Variants in SLC5A3 observed in about 807,000 individuals in gnomAD.
The protein encoded by SLC5A3 is sodium/myo-inositol cotransporter.
Under a neutral mutation model 43.2 loss-of-function variants are expected in SLC5A3, and 10 were observed. The ratio of observed to expected loss-of-function variants is 0.23; its 90% CI spans 0.14 to 0.39. The LOEUF is 0.39. SLC5A3 is among the 10% of genes least tolerant of loss of function. The pLI is 1.00. For synonymous variants in SLC5A3, 349 were observed against 322.0 expected (o/e 1.08, Z -0.90); for missense variants, 608 against 893.4 (o/e 0.68, Z 4.07).
At chr21:34,093,957 C>T (rs760727584) in intron 1 of SLC5A3, among the ~76,000 whole-genome samples, 11 of 152,066 alleles carry the variant, frequency 7.2e-5, no homozygotes, top group Non-Finnish European at 1.5e-4. Flanking sequence ...AAACTTTTCT[C>T]CTCCTCCCTC....
At chr21:34,091,193 A>G (rs2148657578) in intron 1 of SLC5A3, among the ~76,000 whole-genome samples, 1 of 152,272 alleles carries the variant, frequency 6.6e-6, no homozygotes, top group East Asian at 1.9e-4. Context: ...TGGTTTGTAA[A>G]TTGACTCCAA....
chr21:34,085,935 T>A (rs1201263921), intron 1 of SLC5A3, among the ~76,000 whole-genome samples: 1 of 152,144 alleles, frequency 6.6e-6, no homozygotes, highest in African/African-American at 2.4e-5. Context: ...CGTAGTGCCT[T>A]TACACCTAAC....
chr21:34,097,736 T>C lies in SLC5A3; in HGVS notation c.*381T>C, dbSNP rs1018746966. 3.0e-6 allele frequency: 3 copies of C among 1,006,424 alleles called. No homozygotes were observed. In the African/African-American group the frequency reaches 5.2e-5, roughly 18 times the overall value. The allele number at this position is 1,006,424 out of a possible 1,614,324, so 62.3% of individuals were successfully genotyped here. A position where few individuals can be genotyped will look rare whatever the true frequency, so the allele number is the denominator to read the frequency against. On this transcript the variant is annotated 3_prime_UTR_variant, in exon 2 of 2. Transcript: ENST00000381151. ...ACCCTGAAGTAGAAGATTTGCTCAT[T>C]TCTAAATTTTTTTTTCTGTCTCTGT... is the stretch of plus-strand genomic sequence containing the variant.
Position 34,095,544 on chromosome 21 carries a change from C to A in SLC5A3, c.346C>A (p.Arg116=), listed in dbSNP as rs1397085109. 1.2e-6 allele frequency: 2 copies of A among 1,613,648 alleles called. No homozygotes were observed. Among genetic ancestry groups the A allele is most frequent in the South Asian group, 2.2e-5 (2 of 91,072 alleles). The change falls in exon 2 of 2, where the codon CGA becomes AGA. Residue 116 remains arginine (R), a synonymous_variant. Coordinates refer to ENST00000381151, the MANE Select transcript of SLC5A3 (RefSeq NM_006933.7). ...TACCATGCCTGAATACTTGTCCAAGCGATTTGGTGGCCATAGGATTCAGGT... is the reference window on the plus strand; with the variant it reads ...TACCATGCCTGAATACTTGTCCAAGAGATTTGGTGGCCATAGGATTCAGGT... The part of the protein sequence containing the change: ...VYTMPEYLSK[R]FGGHRIQVYF...
chr21:34,103,201 G>A lies in SLC5A3; in HGVS notation c.*5846G>A, dbSNP rs1011712339. Reference sequence around the variant, plus strand: ...CCAGCTTTTGAAATTTATGTGTTTGGATTAGTGCCTTCTGGTTACCAGTAT... The same window carrying A: ...CCAGCTTTTGAAATTTATGTGTTTGAATTAGTGCCTTCTGGTTACCAGTAT... On this transcript the variant is annotated 3_prime_UTR_variant, in exon 2 of 2. Transcript: ENST00000381151. The A allele has an allele frequency of 3.0e-6, 3 of 999,722 alleles. No homozygotes were observed. Among genetic ancestry groups the A allele is most frequent in the African/African-American group, 1.8e-5 (1 of 57,140 alleles). The allele number at this position is 999,722 out of a possible 1,614,324, so 61.9% of individuals were successfully genotyped here. A position where few individuals can be genotyped will look rare whatever the true frequency, so the allele number is the denominator to read the frequency against.
In SLC5A3 at chr21:34,096,078, C is replaced by T; in HGVS notation, c.880C>T (p.His294Tyr). The T allele has an allele frequency of 6.2e-7, 1 of 1,614,126 alleles. No homozygotes were observed. The highest frequency in any genetic ancestry group is 8.5e-7 in the Non-Finnish European group (1 of 1,180,002). Residue 294 changes from histidine (H) to tyrosine (Y), a missense_variant, in exon 2 of 2, where the codon CAT becomes TAT. Physicochemically the swap from His to Tyr is moderately conservative, Grantham distance 83 (BLOSUM62 2). Transcript: ENST00000381151. The surrounding 1 kb of genome is among the most constrained non-coding windows in gnomAD (Gnocchi z 5.9). ...QRVLAAKNIA[H>Y]AKGSTLMAGF... is the part of the protein sequence containing the mutation. ...GGTCCTTGCAGCCAAAAACATTGCT[C>T]ATGCCAAAGGCTCTACTCTTATGGC...
intron 1 of SLC5A3, among the ~76,000 whole-genome samples, chr21:34,090,983 T>G (rs1978655086): frequency 6.6e-6 from 1 of 151,538 alleles, no homozygotes; most frequent in Non-Finnish European, 1.5e-5. Context: ...ATGCCCATGT[T>G]TTTTGTTTTT....
At chr21:34,089,367 T>TA (rs1978564142) in intron 1 of SLC5A3, among the ~76,000 whole-genome samples, 1 of 151,738 alleles carries the variant, frequency 6.6e-6, no homozygotes, top group Non-Finnish European at 1.5e-5. Flanking sequence ...TGTTGGGAGT[T>TA]TGCTCCTATA....
intron 1 of SLC5A3, among the ~76,000 whole-genome samples, chr21:34,088,440 C>T (rs566408172): frequency 1.7e-4 from 26 of 152,340 alleles, no homozygotes; most frequent in African/African-American, 5.8e-4. Context: ...TATCCATACA[C>T]ATCCATTCAC....
intron 1 of SLC5A3, among the ~76,000 whole-genome samples, chr21:34,079,502 C>A (rs1473759187): frequency 6.6e-6 from 1 of 151,368 alleles, no homozygotes; most frequent in African/African-American, 2.4e-5. Flanking sequence ...GTGGCACGAT[C>A]TCGGCTCACT....
At chr21:34,090,164 C>G (rs961679373) in intron 1 of SLC5A3, among the ~76,000 whole-genome samples, 1 of 152,206 alleles carries the variant, frequency 6.6e-6, no homozygotes, top group Non-Finnish European at 1.5e-5. Flanking sequence ...GCTCCACTTA[C>G]AATTTAAAAC....
intron 1 of SLC5A3, among the ~76,000 whole-genome samples, chr21:34,085,418 A>G (rs1026836864): frequency 5.9e-5 from 9 of 152,266 alleles, no homozygotes; most frequent in Admixed American, 2.6e-4. Flanking sequence ...AATGTACCCT[A>G]TTTCCCTTTT....
chr21:34,073,853 T>C (rs1047912563), intron 1 of SLC5A3, 108 bp downstream of exon 1: 23 of 590,916 alleles, frequency 3.9e-5, no homozygotes, highest in Non-Finnish European at 5.2e-5. Context: ...CTTCCTGCAC[T>C]CCTCGGAGGA....
chr21:34,083,165 C>T (rs1989497610), intron 1 of SLC5A3, among the ~76,000 whole-genome samples: 2 of 152,138 alleles, frequency 1.3e-5, no homozygotes, highest in Non-Finnish European at 2.9e-5. Context: ...AAACCAAGTG[C>T]AGTTATGGTA....
chr21:34,077,803 A>G (rs981564022), intron 1 of SLC5A3, among the ~76,000 whole-genome samples: 63 of 152,222 alleles, frequency 4.1e-4, no homozygotes, highest in African/African-American at 1.5e-3. Flanking sequence ...AAGTATAATC[A>G]GTTCCTAAAA....
At chr21:34,085,984 C>G (rs1174568461) in intron 1 of SLC5A3, among the ~76,000 whole-genome samples, 6 of 152,194 alleles carry the variant, frequency 3.9e-5, no homozygotes, top group Admixed American at 3.9e-4. Context: ...TTCAAATTCC[C>G]TGAATTGTCA....
chr21:34,096,456 G>A lies in SLC5A3; in HGVS notation c.1258G>A (p.Val420Met), dbSNP rs1440696340. 6.2e-7 allele frequency: 1 copy of A among 1,614,180 alleles called. No individual in the cohort carries two copies. The highest frequency in any genetic ancestry group is 1.1e-5 in the South Asian group (1 of 91,084). Residue 420 changes from valine to methionine, a missense_variant, in exon 2 of 2, where the codon GTG (valine) becomes ATG (methionine). Physicochemically the swap from Val to Met is conservative, Grantham distance 21. Around this residue, in one of 2 missense-constraint regions of SLC5A3, gnomAD observed 398 missense variants for 668.6 expected, o/e 0.60. Transcript: ENST00000381151. The surrounding 1 kb of genome is among the most constrained non-coding windows in gnomAD (Gnocchi z 5.9). The part of the protein sequence containing the change: ...VGRIFVAFMV[V>M]ISIAWVPIIV... ...GAGGATATTTGTGGCATTTATGGTG[G>A]TGATCAGCATAGCATGGGTGCCAAT...
chr21:34,096,017 A>G lies in SLC5A3; in HGVS notation c.819A>G (p.Val273=), dbSNP rs760522860. The G allele has an allele frequency of 1.2e-6, 2 of 1,613,990 alleles. No individual in the cohort carries two copies. Among genetic ancestry groups the G allele is most frequent in the East Asian group, 2.2e-5 (1 of 44,892 alleles). Residue 273 remains valine (V), a synonymous_variant, in exon 2 of 2, where the codon GTA becomes GTG. Coordinates refer to ENST00000381151, the MANE Select transcript of SLC5A3 (RefSeq NM_006933.7). The surrounding 1 kb of genome is among the most constrained non-coding windows in gnomAD (Gnocchi z 5.9). ...TTCTTGGGCAGACCCCAGCTTCAGT[A>G]TGGTACTGGTGTGCTGACCAAGTCA... is the stretch of plus-strand genomic sequence containing the variant. ...GFILGQTPAS[V]WYWCADQVIV...
rs559013455 is a variant in SLC5A3 at position 34,102,550 on chromosome 21, A to C, written c.*5195A>C. 85 of 999,990 alleles carry C rather than the reference A, an allele frequency of 8.5e-5. No homozygotes were observed. In the Middle Eastern group the frequency reaches 1.6e-3, roughly 18 times the overall value. The allele number at this position is 999,990 out of a possible 1,614,324, so 61.9% of individuals were successfully genotyped here. ...ATCTGTATCATTGCTAATCTTGTGC[A>C]CTTTACTTTTTGGGCAGTACCATAC... On this transcript the variant is annotated 3_prime_UTR_variant, in exon 2 of 2. Coordinates refer to ENST00000381151, the MANE Select transcript of SLC5A3 (RefSeq NM_006933.7).
Sources: allele counts gnomAD v4.1 joint callset (sites outside exome capture counted in the v4.1 genomes callset), GRCh38; gene constraint gnomAD v4.1.1; regional missense constraint gnomAD v4.1.1; non-coding constraint Gnocchi (gnomAD v3.1); transcripts MANE v1.5; gene names NCBI Gene and HGNC (gene_info 2026-07-23, HGNC 2026-07-21).